Variants in NELL2 observed in about 807,000 individuals in gnomAD.
The protein encoded by NELL2 is neural EGFL like 2, also known as protein kinase C-binding protein NELL2.
NELL2 carries 41 observed loss-of-function variants against 109.6 expected under a neutral mutation model. The observed-to-expected ratio is 0.37, with a 90% CI of 0.29 to 0.49. The LOEUF is 0.49. Ranked by LOEUF, NELL2 falls within the 20% of genes least tolerant of loss-of-function variation. The pLI, the probability that NELL2 is intolerant of heterozygous loss-of-function variation, is 0.98. For missense variants in NELL2, 900 were observed against 1,008.3 expected (o/e 0.89, Z 1.45); for synonymous variants, 355 against 344.7 (o/e 1.03, Z -0.33).
intron 1 of NELL2, among the ~76,000 whole-genome samples, chr12:44,894,713 T>C (rs1170053210): frequency 6.6e-6 from 1 of 152,190 alleles, no homozygotes; most frequent in Non-Finnish European, 1.5e-5. Flanking sequence ...GAACACGTAA[T>C]AACAATTTAT....
At chr12:44,568,218 G>T (rs1344516411) in intron 15 of NELL2, among the ~76,000 whole-genome samples, 2 of 152,094 alleles carry the variant, frequency 1.3e-5, no homozygotes, top group Non-Finnish European at 2.9e-5. Flanking sequence ...TTTGTGTAAA[G>T]GAAAAGTTCA....
intron 9 of NELL2, among the ~76,000 whole-genome samples, chr12:44,719,162 G>T (rs1041011239): frequency 6.6e-6 from 1 of 152,130 alleles, no homozygotes; most frequent in Non-Finnish European, 1.5e-5. Flanking sequence ...GCAAATAGGA[G>T]CCAAGAGATG....
At chr12:44,824,780 G>A (rs61231606) in intron 2 of NELL2, among the ~76,000 whole-genome samples, 53 of 148,608 alleles carry the variant, frequency 3.6e-4, no homozygotes, top group African/African-American at 1.3e-3. Context: ...GCATGATCTC[G>A]GCTAATCGCA....
chr12:44,682,547 T>G (rs1277618065), intron 12 of NELL2, among the ~76,000 whole-genome samples: 2 of 152,202 alleles, frequency 1.3e-5, no homozygotes, highest in African/African-American at 4.8e-5. Flanking sequence ...TTTTTATTGT[T>G]TTAGGTCTAA....
intron 1 of NELL2, among the ~76,000 whole-genome samples, chr12:44,920,420 GGAA>G (rs1388536973): frequency 6.6e-6 from 1 of 152,006 alleles, no homozygotes; most frequent in Non-Finnish European, 1.5e-5. Context: ...AAAAAGATGT[GGAA>G]GAAGATGTTT....
chr12:44,724,109 G>T (rs1252042890), intron 9 of NELL2, among the ~76,000 whole-genome samples: 5 of 151,856 alleles, frequency 3.3e-5, no homozygotes, highest in African/African-American at 1.2e-4. Flanking sequence ...GACACAGCTA[G>T]AGGCCATCAT....
At chr12:44,590,956 AG>A (rs766137839) in intron 15 of NELL2, among the ~76,000 whole-genome samples, 55 of 152,090 alleles carry the variant, frequency 3.6e-4, no homozygotes, top group Non-Finnish European at 6.3e-4. Context: ...AGAAAAATAA[AG>A]GGCAAAGGAT....
At position 44,868,299 on chromosome 12, in the gene NELL2, T is replaced by C. The variant is rs150765679; in HGVS notation, c.184+6926A>G. 2.0e-5 allele frequency among the ~76,000 whole-genome samples: 3 copies of C among 152,142 alleles called. No individual in the cohort carries two copies. In the East Asian group the frequency reaches 5.8e-4, roughly 29 times the overall value. Reference sequence around the variant, plus strand: ...AAGAAATGAAGAAGACACAAATAAATGAAAAGATATGCTTTGGTCATGGAT... The same window carrying C: ...AAGAAATGAAGAAGACACAAATAAACGAAAAGATATGCTTTGGTCATGGAT... On this transcript the variant is annotated intron_variant, in intron 2 of 19. Transcript: ENST00000429094.
chr12:44,532,314 A>G (rs1198422417), intron 16 of NELL2, among the ~76,000 whole-genome samples: 1 of 152,154 alleles, frequency 6.6e-6, no homozygotes. Flanking sequence ...GTGATACTAC[A>G]TGTTTTTTCA....
chr12:44,645,876 T>G (rs554303874), intron 13 of NELL2, among the ~76,000 whole-genome samples: 1 of 152,170 alleles, frequency 6.6e-6, no homozygotes, highest in African/African-American at 2.4e-5. Context: ...CAGTATATTA[T>G]AGTATATTAT....
upstream of NELL2, among the ~76,000 whole-genome samples, chr12:44,918,297 A>G (rs1945843505): frequency 6.6e-6 from 1 of 152,196 alleles, no homozygotes. Flanking sequence ...CTCCCTTGTT[A>G]TCAAATTGTT....
intron 3 of NELL2, among the ~76,000 whole-genome samples, chr12:44,799,747 T>C (rs1201607162): frequency 1.3e-5 from 2 of 152,152 alleles, no homozygotes; most frequent in African/African-American, 4.8e-5. Context: ...AGCTAAGTTA[T>C]GAAACACATT....
At chr12:44,861,308 C>T (rs1257927086) in intron 2 of NELL2, among the ~76,000 whole-genome samples, 4 of 152,148 alleles carry the variant, frequency 2.6e-5, no homozygotes, top group Admixed American at 6.5e-5. Flanking sequence ...ACACTAGGCA[C>T]GACTCCACAG....
intron 3 of NELL2, among the ~76,000 whole-genome samples, chr12:44,792,319 G>A (rs1206742431): frequency 6.6e-6 from 1 of 152,028 alleles, no homozygotes; most frequent in Non-Finnish European, 1.5e-5. Flanking sequence ...GAAATGGGAA[G>A]GTAAATGCTG....
rs901591547 is a variant in NELL2, at chr12:44,666,596, G to A, written c.1319-987C>T. On this transcript the variant is annotated intron_variant, in intron 12 of 19. Coordinates refer to ENST00000429094, the MANE Select transcript of NELL2 (RefSeq NM_001145108.2). ...AGCCCAACTATGTTCCCCGCCCTGA[G>A]AATGTCAAAAGAAATAATTGACATA... Among the ~76,000 whole-genome samples, 3 of 152,156 alleles carry A rather than the reference G, an allele frequency of 2.0e-5. No individual in the cohort carries two copies. The South Asian group carries it at 6.2e-4, about 32-fold the overall frequency.
chr12:44,746,704 A>G (rs1332446010), intron 9 of NELL2, among the ~76,000 whole-genome samples: 2 of 152,234 alleles, frequency 1.3e-5, no homozygotes, highest in African/African-American at 2.4e-5. Context: ...AAAAATGCTC[A>G]TCATCACTGG....
chr12:44,687,226 C>A (rs141248899), intron 12 of NELL2, among the ~76,000 whole-genome samples: 1 of 151,796 alleles, frequency 6.6e-6, no homozygotes, highest in Non-Finnish European at 1.5e-5. Context: ...TGACCCCTTG[C>A]GCTTCCCGAG....
At chr12:44,574,644 A>G (rs1020190323) in intron 15 of NELL2, among the ~76,000 whole-genome samples, 9 of 152,222 alleles carry the variant, frequency 5.9e-5, no homozygotes, top group African/African-American at 1.4e-4. Context: ...TTGTGCCAAT[A>G]TAAGATGATA....
intron 15 of NELL2, among the ~76,000 whole-genome samples, chr12:44,586,758 A>G (rs1224307368): frequency 1.3e-5 from 2 of 152,196 alleles, no homozygotes; most frequent in African/African-American, 4.8e-5. Context: ...ATTAGCGTTT[A>G]AATTATTAAG....
Sources: gnomAD v4.1 joint callset for allele counts (sites outside exome capture counted in the v4.1 genomes callset) on GRCh38, gnomAD v4.1.1 for gene constraint, MANE v1.5 for transcripts, NCBI Gene and HGNC (gene_info 2026-07-23, HGNC 2026-07-21) for gene names.